The following COL4A3 variants were observed in gnomAD, a reference collection of about 807,000 sequenced individuals.
COL4A3 encodes collagen alpha-3(IV) chain.
A neutral mutation model predicts 217.4 loss-of-function variants in COL4A3; 135 were observed. The ratio of observed to expected loss-of-function variants is 0.62; its 90% CI spans 0.54 to 0.72. The LOEUF (loss-of-function observed/expected upper bound fraction) is 0.72. COL4A3 is among the 30% of genes least tolerant of loss of function. The pLI, the probability that COL4A3 is intolerant of heterozygous loss-of-function variation, is 0.00. For missense variants in COL4A3, 1,868 were observed against 2,119.9 expected, an observed-to-expected ratio of 0.88 and a Z score of 2.33; for synonymous variants, 690 against 736.3, an observed-to-expected ratio of 0.94 and a Z score of 1.02.
rs1369282490 is a variant in COL4A3 at position 227,282,276 on chromosome 2, AT to A, written c.2489-88del. 280 of 10,978 alleles carry A rather than the reference AT, an allele frequency of 0.026. 2 individuals carry two copies. The highest frequency in any genetic ancestry group is 0.17 in the East Asian group (29 of 174). 0.7% of individuals were successfully genotyped at this position (10,978 alleles called of 1,614,324 possible). ...GACAGAGGGAGATTCCATCTTAAAA[AT>A]ATATATATATATATATATATATATT... On this transcript the variant is annotated intron_variant, in intron 31 of 51. Transcript: ENST00000396578. The surrounding 1 kb of genome is among the most constrained non-coding windows in gnomAD (Gnocchi z 4.4).
intron 1 of COL4A3, among the ~76,000 whole-genome samples, chr2:227,186,062 C>A (rs2125686903): frequency 6.6e-6 from 1 of 152,280 alleles, no homozygotes; most frequent in African/African-American, 2.4e-5. Context: ...TGGGAGTGGA[C>A]AGTAATTTGT....
intron 7 of COL4A3, 94 bp downstream of exon 7, chr2:227,246,832 T>G: frequency 9.0e-7 from 1 of 1,106,358 alleles, no homozygotes; most frequent in Non-Finnish European, 1.4e-6. Context: ...CGTCATGACT[T>G]TAGGGAAGTC....
At chr2:227,258,451 A>G (rs765856558) in intron 18 of COL4A3, among the ~76,000 whole-genome samples, 7 of 152,242 alleles carry the variant, frequency 4.6e-5, no homozygotes, top group Non-Finnish European at 1.0e-4. Context: ...CTTTGCTGCT[A>G]CAATAGAATA....
rs1205775560 is a variant in COL4A3 at position 227,194,077 on chromosome 2, G to C, written c.87+29264G>C. ...AGAGGAGAAGGAGAAGGGAAGTAAG[G>C]AGAGAGGGAGGGAGGAAAGAAGGAA... On this transcript the variant is annotated intron_variant, in intron 1 of 51. Coordinates refer to ENST00000396578, the MANE Select transcript of COL4A3 (RefSeq NM_000091.5). Among the ~76,000 whole-genome samples the C allele has an allele frequency of 1.2e-4, 10 of 85,848 alleles. 1 individual carries two copies. The highest frequency in any genetic ancestry group is 5.1e-5 in the Non-Finnish European group (2 of 39,458). 56.3% of individuals were successfully genotyped at this position (85,848 alleles called of 152,430 possible).
At chr2:227,178,255 G>A (rs1020516075) in intron 1 of COL4A3, among the ~76,000 whole-genome samples, 1 of 151,290 alleles carries the variant, frequency 6.6e-6, no homozygotes, top group Non-Finnish European at 1.5e-5. Flanking sequence ...GGTGGCATGT[G>A]CCTGCAGTCT....
Position 227,267,015 on chromosome 2 carries a change from A to G in COL4A3, c.1431A>G (p.Thr477=). The change falls in exon 23 of 52, where the codon ACA becomes ACG. Residue 477 remains threonine (T), a synonymous_variant. Transcript: ENST00000396578. ...GPKGEPGLLC[T]QCPYIPGPPG... is the part of the protein sequence containing the mutation. ...CAGGAGAACCAGGCCTCCTGTGTAC[A>G]CAGTGCCCTTATATCCCAGGGCCTC... 1 of 1,613,976 alleles carries G rather than the reference A, an allele frequency of 6.2e-7. No homozygotes were observed. The highest frequency in any genetic ancestry group is 8.5e-7 in the Non-Finnish European group (1 of 1,179,862).
At chr2:227,183,303 GAGA>G (rs756251188) in intron 1 of COL4A3, among the ~76,000 whole-genome samples, 1 of 152,026 alleles carries the variant, frequency 6.6e-6, no homozygotes, top group Non-Finnish European at 1.5e-5. Context: ...GGGCCTCCAG[GAGA>G]AGGAGGAACA....
intron 1 of COL4A3, among the ~76,000 whole-genome samples, chr2:227,212,851 T>G (rs1229109008): frequency 6.6e-6 from 1 of 152,126 alleles, no homozygotes; most frequent in Non-Finnish European, 1.5e-5. Context: ...CAGTGTAGGG[T>G]GAACACCCAT....
At chr2:227,267,119 C>A (rs759010879) in intron 23 of COL4A3, 31 bp downstream of exon 23, 2 of 1,526,396 alleles carry the variant, frequency 1.3e-6, no homozygotes, top group Non-Finnish European at 1.8e-6. Flanking sequence ...AGTGTTTTTG[C>A]AAGCACAAAA....
intron 1 of COL4A3, among the ~76,000 whole-genome samples, chr2:227,175,836 G>T (rs554996924): frequency 6.6e-6 from 1 of 152,324 alleles, no homozygotes; most frequent in African/African-American, 2.4e-5. Context: ...CAAGACATTT[G>T]CATTAGTAAT....
intron 11 of COL4A3, among the ~76,000 whole-genome samples, chr2:227,251,685 T>C (rs1407922590): frequency 6.6e-6 from 1 of 152,188 alleles, no homozygotes; most frequent in African/African-American, 2.4e-5. Context: ...GTTTTTGTAG[T>C]GTGCTGCTTC....
In COL4A3 at chr2:227,238,030, A is replaced by G. The variant is rs1453437267; in HGVS notation, c.144+6A>G. 1 of 1,580,512 alleles carries G rather than the reference A, an allele frequency of 6.3e-7. No individual in the cohort carries two copies. The highest frequency in any genetic ancestry group is 1.7e-5 in the Admixed American group (1 of 59,946). ...ACGGGGCCAAAGGGGAGAAGGTAAA[A>G]ACAAACCCTAATACTGCTTGTTTAC... On this transcript the variant is annotated splice_donor_region_variant and intron_variant, in intron 2 of 51. Transcript: ENST00000396578.
rs776332720 is a variant in COL4A3 at position 227,240,146 on chromosome 2, G to C, written c.148G>C (p.Glu50Gln). Residue 50 changes from glutamate (E) to glutamine (Q), a missense_variant, in exon 3 of 52, where the codon GAG becomes CAG. Around this residue, in one of 2 missense-constraint regions of COL4A3, gnomAD observed 365 missense variants for 333.8 expected, o/e 1.09. Coordinates refer to ENST00000396578, the MANE Select transcript of COL4A3 (RefSeq NM_000091.5). Reference sequence around the variant, plus strand: ...CACCTCGTTTTGGTTTTAACAGGGGGAGAAGGGCTTTCCTGGACCCCCCGG... The same window carrying C: ...CACCTCGTTTTGGTTTTAACAGGGGCAGAAGGGCTTTCCTGGACCCCCCGG... ...FCDGAKGEKG[E>Q]KGFPGPPGSP... 2 of 1,607,162 alleles carry C rather than the reference G, an allele frequency of 1.2e-6. No homozygotes were observed. Among genetic ancestry groups the C allele is most frequent in the South Asian group, 1.1e-5 (1 of 89,248 alleles).
At chr2:227,238,060 T>G (rs755340029) in intron 2 of COL4A3, 36 bp downstream of exon 2, 5 of 1,366,622 alleles carry the variant, frequency 3.7e-6, no homozygotes, top group Non-Finnish European at 5.2e-6. Flanking sequence ...GTTTACACTG[T>G]AAAGCTCTAG....
intron 7 of COL4A3, among the ~76,000 whole-genome samples, chr2:227,247,264 A>AT (rs780165883): frequency 1.3e-5 from 2 of 152,204 alleles, no homozygotes; most frequent in Non-Finnish European, 2.9e-5. Flanking sequence ...AGCAACATCA[A>AT]TATCATGTCT....
At chr2:227,298,539 C>A in intron 42 of COL4A3, 143 bp from the exon 43 acceptor site, 1 of 1,224,678 alleles carries the variant, frequency 8.2e-7, no homozygotes, top group Non-Finnish European at 1.2e-6. Context: ...GTCTTTACCA[C>A]AATCCCATCA....
At chr2:227,274,367 C>G (rs2071429728) in intron 26 of COL4A3, among the ~76,000 whole-genome samples, 1 of 152,026 alleles carries the variant, frequency 6.6e-6, no homozygotes, top group African/African-American at 2.4e-5. Context: ...AGTGCACAAC[C>G]TTACATTATA....
chr2:227,294,429 CT>C (rs1368470948), intron 38 of COL4A3, 60 bp from the exon 39 acceptor site: 1 of 1,070,564 alleles, frequency 9.3e-7, no homozygotes, highest in East Asian at 2.4e-5. Flanking sequence ...GTTTCAGTCA[CT>C]GTTGTAATCA....
intron 43 of COL4A3, 24 bp downstream of exon 43, chr2:227,298,836 C>G (rs2073151817): frequency 6.2e-7 from 1 of 1,606,974 alleles, no homozygotes; most frequent in East Asian, 2.2e-5. Flanking sequence ...ATTATTTTGA[C>G]TCATTATTAA....
Sources: allele counts gnomAD v4.1 joint callset (sites outside exome capture counted in the v4.1 genomes callset), GRCh38; gene constraint gnomAD v4.1.1; regional missense constraint gnomAD v4.1.1; non-coding constraint Gnocchi (gnomAD v3.1); transcripts MANE v1.5; gene names NCBI Gene and HGNC (gene_info 2026-07-23, HGNC 2026-07-21).